DIS3L2: variants seen among roughly 807,000 people sequenced by gnomAD.
DIS3L2 encodes the protein DIS3-like exonuclease 2.
DIS3L2 carries 34 observed loss-of-function variants against 97.5 expected under a neutral mutation model. The ratio of observed to expected loss-of-function variants is 0.35; its 90% CI spans 0.27 to 0.46. The LOEUF is 0.46. Among genes scored for constraint, DIS3L2 ranks in the 20% least tolerant of loss-of-function variants. The pLI is 1.00. For synonymous variants in DIS3L2, 435 were observed against 445.2 expected (o/e 0.98, Z 0.29); for missense variants, 1,038 against 1,146.0 (o/e 0.91, Z 1.36).
intron 13 of DIS3L2, among the ~76,000 whole-genome samples, chr2:232,289,408 G>C (rs1186893397): frequency 6.6e-6 from 1 of 151,992 alleles, no homozygotes; most frequent in African/African-American, 2.4e-5. Context: ...GAGTAGCTGG[G>C]ATTACAAGTG....
Position 232,269,314 on chromosome 2 carries a change from A to G in DIS3L2, c.1659+5874A>G, listed in dbSNP as rs1206919144. Reference sequence around the variant, plus strand: ...TCCAGCTCTGCTGTTTAATATTTGTACCATATATTTGATCCAAGGTAGGAA... The same window carrying G: ...TCCAGCTCTGCTGTTTAATATTTGTGCCATATATTTGATCCAAGGTAGGAA... On this transcript the variant is annotated intron_variant, in intron 13 of 20. Transcript: ENST00000325385. This position sits in a 1 kb window ranked among gnomAD's most constrained non-coding sequence, Gnocchi z 4.5. 6.6e-6 allele frequency among the ~76,000 whole-genome samples: 1 copy of G among 152,084 alleles called. No individual in the cohort carries two copies. The highest frequency in any genetic ancestry group is 1.5e-5 in the Non-Finnish European group (1 of 68,040).
At chr2:232,023,686 G>T (rs1048673674) in intron 3 of DIS3L2, among the ~76,000 whole-genome samples, 1 of 152,192 alleles carries the variant, frequency 6.6e-6, no homozygotes, top group Non-Finnish European at 1.5e-5. Flanking sequence ...GGGTGGCCTG[G>T]CTGTTGGAGC....
At chr2:232,018,915 T>A (rs1430936625) in intron 3 of DIS3L2, among the ~76,000 whole-genome samples, 3 of 152,146 alleles carry the variant, frequency 2.0e-5, no homozygotes, top group African/African-American at 7.2e-5. Context: ...TCAAAAAATG[T>A]ATTTCATTTC....
chr2:232,228,492 C>G (rs1324563788), intron 10 of DIS3L2, among the ~76,000 whole-genome samples: 1 of 152,188 alleles, frequency 6.6e-6, no homozygotes, highest in Non-Finnish European at 1.5e-5. Flanking sequence ...AGTTACATTT[C>G]TGGCATGAAA....
intron 1 of DIS3L2, among the ~76,000 whole-genome samples, chr2:231,981,770 A>C (rs951006205): frequency 6.6e-6 from 1 of 151,328 alleles, no homozygotes; most frequent in Non-Finnish European, 1.5e-5. Context: ...GTGGTGGCTC[A>C]TGCCTGTAAT....
At chr2:232,097,339 C>T (rs1697050996) in intron 6 of DIS3L2, among the ~76,000 whole-genome samples, 1 of 152,164 alleles carries the variant, frequency 6.6e-6, no homozygotes, top group Non-Finnish European at 1.5e-5. Flanking sequence ...TGGCCATTAT[C>T]ACTGGGACTG....
At chr2:232,007,773 C>T (rs1253813616) in intron 1 of DIS3L2, among the ~76,000 whole-genome samples, 2 of 152,132 alleles carry the variant, frequency 1.3e-5, no homozygotes, top group Non-Finnish European at 2.9e-5. Context: ...TATGAACTAT[C>T]TTATCTGTTT....
chr2:232,107,230 G>T (rs1025386155), intron 6 of DIS3L2, among the ~76,000 whole-genome samples: 7 of 152,096 alleles, frequency 4.6e-5, no homozygotes, highest in Non-Finnish European at 8.8e-5. Context: ...CCCAAAGCTA[G>T]CAGAAGAGAA....
intron 5 of DIS3L2, among the ~76,000 whole-genome samples, chr2:232,081,043 C>T (rs1435190919): frequency 6.6e-6 from 1 of 151,854 alleles, no homozygotes; most frequent in African/African-American, 2.4e-5. Flanking sequence ...GTTGGCAAAA[C>T]TGGGTTATTT....
At chr2:232,217,267 A>T (rs1353122174) in intron 10 of DIS3L2, among the ~76,000 whole-genome samples, 1 of 152,176 alleles carries the variant, frequency 6.6e-6, no homozygotes, top group African/African-American at 2.4e-5. Context: ...GAGAGGGCTG[A>T]CGGAGTGGTG....
At chr2:232,329,789 T>TTGCCCC in intron 14 of DIS3L2, 24 bp from the exon 15 acceptor site, 1 of 368,622 alleles carries the variant, frequency 2.7e-6, no homozygotes, top group Non-Finnish European at 5.1e-6. Flanking sequence ...CAGCGGTCCC[T>TTGCCCC]CCCATCCCAC....
intron 8 of DIS3L2, 74 bp from the exon 9 acceptor site, chr2:232,163,385 T>G (rs192950372): frequency 3.3e-4 from 495 of 1,501,856 alleles, no homozygotes; most frequent in Admixed American, 4.7e-4. Context: ...ACTACTTTAC[T>G]TTTAGAGAGG....
Position 232,035,363 on chromosome 2 carries a change from C to T in DIS3L2, c.366+5283C>T, listed in dbSNP as rs549289321. On this transcript the variant is annotated intron_variant, in intron 5 of 20. Coordinates refer to ENST00000325385, the MANE Select transcript of DIS3L2 (RefSeq NM_152383.5). The stretch of plus-strand genomic sequence containing the variant: ...TTCCATTTGCTTGGTAAATATTCCT[C>T]CATCCCTTTATATTGAGCCTATGTG... 2.6e-5 allele frequency among the ~76,000 whole-genome samples: 4 copies of T among 152,286 alleles called. No homozygotes were observed. The South Asian group carries it at 8.3e-4, about 32-fold the overall frequency.
chr2:232,008,078 C>G (rs994128089), intron 1 of DIS3L2, among the ~76,000 whole-genome samples: 1 of 152,050 alleles, frequency 6.6e-6, no homozygotes, highest in African/African-American at 2.4e-5. Flanking sequence ...GTAATCACAG[C>G]TCACGCTCAC....
intron 11 of DIS3L2, among the ~76,000 whole-genome samples, 179 bp from the exon 12 acceptor site, chr2:232,249,060 T>C (rs573542873): frequency 1.1e-4 from 16 of 152,340 alleles, no homozygotes; most frequent in African/African-American, 3.4e-4. Flanking sequence ...TATTTGACTC[T>C]AGAGGCGCAT....
chr2:232,080,860 C>T (rs980536883), intron 5 of DIS3L2, among the ~76,000 whole-genome samples: 3 of 147,346 alleles, frequency 2.0e-5, no homozygotes, highest in African/African-American at 5.2e-5. Flanking sequence ...AAGGTGGTGC[C>T]GCTGCACTCA....
chr2:232,128,655 G>A (rs551962930), intron 6 of DIS3L2, among the ~76,000 whole-genome samples: 37 of 150,904 alleles, frequency 2.5e-4, no homozygotes, highest in Middle Eastern at 3.4e-3. Flanking sequence ...GAGTTTCGCC[G>A]TGTTGCCCAG....
At position 232,336,756 on chromosome 2, in the gene DIS3L2, T is replaced by TATTTA. The variant is rs1695968768; in HGVS notation, c.*131_*135dup. The TATTTA allele has an allele frequency of 2.7e-6, 4 of 1,484,658 alleles. No homozygotes were observed. The highest frequency in any genetic ancestry group is 2.9e-5 in the African/African-American group (2 of 70,016). The allele number at this position is 1,484,658 out of a possible 1,614,324, so 92.0% of individuals were successfully genotyped here. On this transcript the variant is annotated 3_prime_UTR_variant, in exon 21 of 21. Transcript: ENST00000325385. ...CAACTCAGGGGTTTGTTTTTATTTT[T>TATTTA]ATTTAATTTTTGCAGCTCAACTTTT...
intron 13 of DIS3L2, among the ~76,000 whole-genome samples, chr2:232,272,982 A>C (rs1413265441): frequency 6.6e-6 from 1 of 152,084 alleles, no homozygotes; most frequent in Non-Finnish European, 1.5e-5. Flanking sequence ...GCCTATATCC[A>C]GGCTCATTTC....
Sources: allele counts gnomAD v4.1 joint callset (sites outside exome capture counted in the v4.1 genomes callset), GRCh38; gene constraint gnomAD v4.1.1; non-coding constraint Gnocchi (gnomAD v3.1); transcripts MANE v1.5; gene names NCBI Gene and HGNC (gene_info 2026-07-23, HGNC 2026-07-21).